Variants in GPHN observed in about 807,000 individuals in gnomAD.
GPHN encodes gephyrin.
A neutral mutation model predicts 95.5 loss-of-function variants in GPHN; 17 were observed. That is an observed-to-expected ratio of 0.18 (90% CI 0.12 to 0.27). GPHN has a LOEUF of 0.27. Ranked by LOEUF, GPHN falls within the 10% of genes least tolerant of loss-of-function variation. The pLI is 1.00. For missense variants in GPHN, 660 were observed against 978.1 expected, an observed-to-expected ratio of 0.67 and a Z score of 4.34; for synonymous variants, 320 against 322.5, an observed-to-expected ratio of 0.99 and a Z score of 0.08.
At chr14:67,708,051 G>A in the GPHN span, among the ~76,000 whole-genome samples, 50 of 152,262 alleles carry the variant, frequency 3.3e-4, no homozygotes, top group African/African-American at 9.9e-4. Flanking sequence ...CTGCACTTAC[G>A]TAAATAGCTG....
downstream of GPHN, among the ~76,000 whole-genome samples, chr14:67,183,966 A>C (rs753242312): frequency 2.0e-5 from 3 of 151,690 alleles, no homozygotes; most frequent in Non-Finnish European, 4.4e-5. Flanking sequence ...TGATCCTTCC[A>C]TCTCAGCCTC....
At chr14:67,055,270 A>G (rs2075504809) in intron 10 of GPHN, among the ~76,000 whole-genome samples, 1 of 152,260 alleles carries the variant, frequency 6.6e-6, no homozygotes, top group Non-Finnish European at 1.5e-5. Flanking sequence ...ATGTACAGAC[A>G]CTTCTCAAGA....
intron 3 of GPHN, among the ~76,000 whole-genome samples, chr14:66,806,381 G>C (rs941662715): frequency 6.6e-6 from 1 of 152,338 alleles, no homozygotes; most frequent in African/African-American, 2.4e-5. Flanking sequence ...TTTTCTTGGG[G>C]ATTAACATTC....
intron 9 of GPHN, among the ~76,000 whole-genome samples, chr14:66,984,924 T>C (rs1463011573): frequency 6.6e-6 from 1 of 150,800 alleles, no homozygotes; most frequent in Non-Finnish European, 1.5e-5. Context: ...GTACCTCCTC[T>C]AATAAAACAT....
At chr14:66,628,172 G>A (rs1450995911) in intron 1 of GPHN, among the ~76,000 whole-genome samples, 1 of 152,106 alleles carries the variant, frequency 6.6e-6, no homozygotes, top group Non-Finnish European at 1.5e-5. Context: ...AAAATGCAAA[G>A]TTATGAAAAA....
intron 2 of GPHN, among the ~76,000 whole-genome samples, chr14:66,753,695 T>TA (rs944351594): frequency 6.6e-6 from 1 of 152,112 alleles, no homozygotes; most frequent in African/African-American, 2.4e-5. Flanking sequence ...ATATAATTTA[T>TA]AAAAATAGCT....
At chr14:67,321,338 G>T in the GPHN span, 2 of 1,413,876 alleles carry the variant, frequency 1.4e-6, no homozygotes, top group Admixed American at 3.5e-5. Flanking sequence ...CTATATTTTG[G>T]TCCAAGAACA....
the GPHN span, among the ~76,000 whole-genome samples, chr14:67,190,411 A>G: frequency 5.3e-5 from 8 of 150,590 alleles, no homozygotes; most frequent in Admixed American, 2.6e-4. Context: ...ATTAGTAGAG[A>G]CAGGGTTTCG....
At chr14:66,665,059 G>A (rs1365013654) in intron 1 of GPHN, among the ~76,000 whole-genome samples, 5 of 138,542 alleles carry the variant, frequency 3.6e-5, no homozygotes, top group Non-Finnish European at 7.6e-5. Flanking sequence ...AATGTACAAA[G>A]AAGAGCTGGT....
chr14:67,509,118 A>C, the GPHN span, among the ~76,000 whole-genome samples: 5 of 152,144 alleles, frequency 3.3e-5, no homozygotes, highest in African/African-American at 7.2e-5. Flanking sequence ...TTGGTTTCAA[A>C]ATGAAATGGG....
chr14:66,813,775 G>A (rs765097696), intron 3 of GPHN, among the ~76,000 whole-genome samples: 6 of 152,142 alleles, frequency 3.9e-5, no homozygotes, highest in Admixed American at 6.5e-5. Context: ...GAAGTCTTGC[G>A]CAACAGACAG....
chr14:66,781,236 T>C (rs1486455640), intron 3 of GPHN, among the ~76,000 whole-genome samples: 1 of 151,816 alleles, frequency 6.6e-6, no homozygotes, highest in African/African-American at 2.4e-5. Flanking sequence ...TTTTTTTTTT[T>C]TTGATACGGA....
intron 17 of GPHN, among the ~76,000 whole-genome samples, chr14:67,129,304 A>G (rs891061790): frequency 4.6e-5 from 7 of 152,180 alleles, no homozygotes; most frequent in Non-Finnish European, 7.3e-5. Context: ...CAGCTCATCT[A>G]AGGAATCTGA....
chr14:67,285,773 G>A, the GPHN span, among the ~76,000 whole-genome samples: 3 of 152,134 alleles, frequency 2.0e-5, no homozygotes, highest in Non-Finnish European at 4.4e-5. Flanking sequence ...AGTAACTCTT[G>A]GTGATTGCTT....
At chr14:67,559,769 T>G in the GPHN span, 2 of 925,516 alleles carry the variant, frequency 2.2e-6, no homozygotes. Flanking sequence ...TCCTGCCCCC[T>G]ACTGTCTAGG....
At chr14:67,321,895 C>A in the GPHN span, among the ~76,000 whole-genome samples, 1 of 152,028 alleles carries the variant, frequency 6.6e-6, no homozygotes, top group South Asian at 2.1e-4. Flanking sequence ...AATAATTTCC[C>A]TTTTCTGATT....
intron 11 of GPHN, among the ~76,000 whole-genome samples, chr14:67,061,750 G>T (rs1349015638): frequency 6.6e-6 from 1 of 151,806 alleles, no homozygotes; most frequent in Non-Finnish European, 1.5e-5. Context: ...AGCCTCAAGC[G>T]ATCCTCTCGC....
the GPHN span, chr14:67,340,458 T>G: frequency 1.2e-6 from 2 of 1,613,790 alleles, no homozygotes. Flanking sequence ...CTCTTCTCGC[T>G]CTCTCTCATC....
intron 10 of GPHN, among the ~76,000 whole-genome samples, chr14:67,041,452 G>A (rs2074701197): frequency 6.6e-6 from 1 of 151,842 alleles, no homozygotes; most frequent in East Asian, 1.9e-4. Flanking sequence ...CCACTTAGGA[G>A]TGAGAACATG....
Sources: gnomAD v4.1 joint callset for allele counts (sites outside exome capture counted in the v4.1 genomes callset) on GRCh38, gnomAD v4.1.1 for gene constraint, MANE v1.5 for transcripts, NCBI Gene and HGNC (gene_info 2026-07-23, HGNC 2026-07-21) for gene names.